The following PTPRD variants were observed in gnomAD, a reference collection of about 807,000 sequenced individuals.
PTPRD encodes protein tyrosine phosphatase receptor type D.
A neutral mutation model predicts 214.5 loss-of-function variants in PTPRD; 34 were observed. That is an observed-to-expected ratio of 0.16 (90% CI 0.12 to 0.21). The LOEUF (loss-of-function observed/expected upper bound fraction) is 0.21, where lower values mean the gene tolerates loss of function less well. PTPRD is among the 10% of genes least tolerant of loss of function. The probability of loss-of-function intolerance (pLI) is 1.00; values close to 1 mark genes in which losing one functional copy is unlikely to be tolerated. For synonymous variants in PTPRD, 1,128 were observed against 845.7 expected (o/e 1.33, Z -5.79); for missense variants, 2,545 against 2,398.7 (o/e 1.06, Z -1.27).
chr9:9,321,176 T>G (rs1966277675), intron 9 of PTPRD, among the ~76,000 whole-genome samples: 1 of 152,196 alleles, frequency 6.6e-6, no homozygotes, highest in Non-Finnish European at 1.5e-5. Context: ...TTTTGATTTT[T>G]CTCATGATTC....
intron 14 of PTPRD, among the ~76,000 whole-genome samples, chr9:8,584,372 T>C (rs1246301390): frequency 1.3e-5 from 2 of 151,934 alleles, no homozygotes; most frequent in African/African-American, 2.4e-5. Flanking sequence ...GGTAGAAAAA[T>C]GCACAGATGC....
intron 5 of PTPRD, among the ~76,000 whole-genome samples, chr9:9,822,792 T>C (rs906967244): frequency 6.6e-6 from 1 of 152,040 alleles, no homozygotes; most frequent in Non-Finnish European, 1.5e-5. Flanking sequence ...TGACCTCATG[T>C]GACGATTCTC....
intron 4 of PTPRD, among the ~76,000 whole-genome samples, chr9:10,030,378 A>T (rs1445560089): frequency 6.6e-6 from 1 of 152,226 alleles, no homozygotes; most frequent in East Asian, 1.9e-4. Flanking sequence ...CAATTTTCAC[A>T]TATTTTAAGG....
intron 9 of PTPRD, among the ~76,000 whole-genome samples, chr9:9,373,214 C>G (rs1177162779): frequency 6.6e-6 from 1 of 152,054 alleles, no homozygotes; most frequent in African/African-American, 2.4e-5. Flanking sequence ...TGTTCTACCT[C>G]TTTTTAGGTG....
chr9:9,589,478 A>C (rs914965523), intron 7 of PTPRD, among the ~76,000 whole-genome samples: 1 of 151,984 alleles, frequency 6.6e-6, no homozygotes, highest in African/African-American at 2.4e-5. Context: ...GGTGTTTCTG[A>C]TTCCTCAGTA....
intron 3 of PTPRD, among the ~76,000 whole-genome samples, chr9:10,204,848 G>A (rs1307831609): frequency 1.3e-5 from 2 of 152,060 alleles, no homozygotes; most frequent in Non-Finnish European, 1.5e-5. Flanking sequence ...AGAACCCAAA[G>A]TAACAAATAC....
chr9:9,135,817 A>G (rs1301658737), intron 10 of PTPRD, among the ~76,000 whole-genome samples: 2 of 151,888 alleles, frequency 1.3e-5, no homozygotes, highest in Non-Finnish European at 2.9e-5. Flanking sequence ...TTTGGTCACA[A>G]CTAGAAATAT....
At chr9:8,610,875 G>A (rs765135679) in intron 14 of PTPRD, among the ~76,000 whole-genome samples, 1 of 152,112 alleles carries the variant, frequency 6.6e-6, no homozygotes, top group Non-Finnish European at 1.5e-5. Context: ...GCAACAACAA[G>A]CCCCAGAAAA....
intron 11 of PTPRD, among the ~76,000 whole-genome samples, chr9:8,887,478 G>T (rs2098501041): frequency 6.6e-6 from 1 of 151,780 alleles, no homozygotes; most frequent in South Asian, 2.1e-4. Flanking sequence ...ACCTGTAAAG[G>T]GAAGTTATGT....
At chr9:9,146,326 A>C (rs1044713690) in intron 10 of PTPRD, among the ~76,000 whole-genome samples, 8 of 152,058 alleles carry the variant, frequency 5.3e-5, no homozygotes, top group African/African-American at 1.9e-4. Flanking sequence ...AGTGTTTCTC[A>C]AAGTGTGATT....
intron 5 of PTPRD, among the ~76,000 whole-genome samples, chr9:9,928,970 G>A (rs1012918691): frequency 2.0e-5 from 3 of 152,094 alleles, no homozygotes; most frequent in Non-Finnish European, 4.4e-5. Context: ...TTATAAAATA[G>A]AGACTATTTA....
intron 8 of PTPRD, among the ~76,000 whole-genome samples, chr9:9,569,989 G>C (rs1463912462): frequency 6.6e-6 from 1 of 151,322 alleles, no homozygotes; most frequent in Non-Finnish European, 1.5e-5. Flanking sequence ...TCAGTTGAAA[G>C]TGCTCATCAG....
At chr9:10,321,584 T>G (rs894525311) in intron 3 of PTPRD, among the ~76,000 whole-genome samples, 1 of 152,044 alleles carries the variant, frequency 6.6e-6, no homozygotes, top group Non-Finnish European at 1.5e-5. Flanking sequence ...TGAAACGATT[T>G]TGAAGGGGTT....
Position 9,976,180 on chromosome 9 carries a change from G to C in PTPRD, c.-471-37570C>G, listed in dbSNP as rs1287600312. On this transcript the variant is annotated intron_variant, in intron 4 of 45. Transcript: ENST00000381196. ...TCTGAAATTAAAATTTGATATGCCT[G>C]CAGTAGTGTGTGAGCTTTGTCTTTC... 2.6e-5 allele frequency among the ~76,000 whole-genome samples: 4 copies of C among 152,080 alleles called. No homozygotes were observed. The East Asian group carries it at 7.7e-4, about 29-fold the overall frequency.
chr9:8,813,271 G>A (rs2096851980), intron 11 of PTPRD, among the ~76,000 whole-genome samples: 1 of 152,036 alleles, frequency 6.6e-6, no homozygotes, highest in African/African-American at 2.4e-5. Context: ...GGGCGGGGGG[G>A]CAGAGGCTGG....
In PTPRD at chr9:10,376,826, G is replaced by A. The variant is rs552455699; in HGVS notation, c.-599-35809C>T. Among the ~76,000 whole-genome samples, 8 of 151,980 alleles carry A rather than the reference G, an allele frequency of 5.3e-5. No individual in the cohort carries two copies. The East Asian group carries it at 1.6e-3, about 30-fold the overall frequency. On this transcript the variant is annotated intron_variant, in intron 2 of 45. Coordinates refer to ENST00000381196, the MANE Select transcript of PTPRD (RefSeq NM_002839.4). ...GAGGTACATGAGATGTTTTGATACA[G>A]ATATGCAATGTGTAATAGTCGCATC...
chr9:9,986,424 T>A (rs1271714626), intron 4 of PTPRD, among the ~76,000 whole-genome samples: 1 of 152,142 alleles, frequency 6.6e-6, no homozygotes, highest in Non-Finnish European at 1.5e-5. Context: ...TATTGTAGAA[T>A]ATTTTTAGGT....
intron 9 of PTPRD, among the ~76,000 whole-genome samples, chr9:9,192,739 G>A (rs568393752): frequency 6.6e-6 from 1 of 152,144 alleles, no homozygotes; most frequent in South Asian, 2.1e-4. Context: ...GAAAATGAAG[G>A]CTAGATACAG....
At chr9:8,338,340 G>A (rs947538117) in intron 43 of PTPRD, among the ~76,000 whole-genome samples, 1 of 152,044 alleles carries the variant, frequency 6.6e-6, no homozygotes, top group African/African-American at 2.4e-5. Flanking sequence ...AGAAATGCAG[G>A]ATGAAAATTA....
Sources: allele counts gnomAD v4.1 joint callset (sites outside exome capture counted in the v4.1 genomes callset), GRCh38; gene constraint gnomAD v4.1.1; transcripts MANE v1.5; gene names NCBI Gene and HGNC (gene_info 2026-07-23, HGNC 2026-07-21).